VWA3A: variants seen among roughly 807,000 people sequenced by gnomAD.
The protein encoded by VWA3A is von Willebrand factor A domain containing 3A, also known as von Willebrand factor A domain-containing protein 3A.
In VWA3A, 134 loss-of-function variants were observed where a neutral mutation model predicts 160.4. That is an observed-to-expected ratio of 0.84 (90% CI 0.73 to 0.96). The LOEUF is 0.96. Ranked by LOEUF, VWA3A falls within the 40% of genes least tolerant of loss-of-function variation. VWA3A has a pLI of 0.00. For synonymous variants in VWA3A, 476 were observed against 543.4 expected, an observed-to-expected ratio of 0.88 and a Z score of 1.72; for missense variants, 1,310 against 1,447.9, an observed-to-expected ratio of 0.90 and a Z score of 1.55.
rs2046250902 is a variant in VWA3A, at chr16:22,146,356, C to T, written c.2839+12C>T. On this transcript the variant is annotated intron_variant, in intron 27 of 33. Transcript: ENST00000389398. The stretch of plus-strand genomic sequence containing the variant: ...GTGGCTGCTGTCCGGTGAGCCTGCC[C>T]ACTGCCCTGAAGGGTGGAGGAGCAT... 1 of 1,609,636 alleles carries T rather than the reference C, an allele frequency of 6.2e-7. No homozygotes were observed. The highest frequency in any genetic ancestry group is 8.5e-7 in the Non-Finnish European group (1 of 1,177,118).
intron 17 of VWA3A, among the ~76,000 whole-genome samples, chr16:22,127,811 G>T (rs2045877465): frequency 6.6e-6 from 1 of 152,178 alleles, no homozygotes; most frequent in African/African-American, 2.4e-5. Context: ...TGGGAGACAG[G>T]GATGTTAAGG....
At chr16:22,123,736 T>C (rs749320741) in intron 16 of VWA3A, 29 bp downstream of exon 16, 1 of 1,594,302 alleles carries the variant, frequency 6.3e-7, no homozygotes, top group East Asian at 2.2e-5. Context: ...GTTCTTATCC[T>C]TCATGGGTCT....
chr16:22,115,917 GGAAGGAAAGGAAA>G (rs2045630188), intron 9 of VWA3A, among the ~76,000 whole-genome samples: 1 of 33,112 alleles, frequency 3.0e-5, no homozygotes, highest in Non-Finnish European at 4.3e-5. Flanking sequence ...AAGGAAGGAA[GGAAGGAAAGGAAA>G]GGAAAGGAAG....
At chr16:22,122,709 C>T (rs1428583126) in intron 14 of VWA3A, among the ~76,000 whole-genome samples, 1 of 152,168 alleles carries the variant, frequency 6.6e-6, no homozygotes, top group Non-Finnish European at 1.5e-5. Context: ...ACCTAAGAAG[C>T]TATGGCCAGT....
intron 6 of VWA3A, among the ~76,000 whole-genome samples, chr16:22,105,862 TA>T (rs989400670): frequency 3.3e-5 from 5 of 152,246 alleles, no homozygotes; most frequent in African/African-American, 1.2e-4. Context: ...GGCAATACCC[TA>T]GAATATTTGG....
In VWA3A at chr16:22,121,038, TCA is replaced by T. The variant is rs1351549103; in HGVS notation, c.1189_1190del (p.Thr397HisfsTer2). On this transcript the variant is annotated frameshift_variant, in exon 13 of 34. Transcript: ENST00000389398. LOFTEE classifies it high-confidence loss of function. ...AAACCCCCAAAGCATGACGCTCCTC[TCA>T]CCATTGAGTTTCCAAACTTGGACAA... 4 of 1,613,998 alleles carry T rather than the reference TCA, an allele frequency of 2.5e-6. No homozygotes were observed. The East Asian group carries it at 8.9e-5, about 36-fold the overall frequency.
At chr16:22,143,474 T>TGG (rs1198593762) in intron 25 of VWA3A, among the ~76,000 whole-genome samples, 1 of 152,218 alleles carries the variant, frequency 6.6e-6, no homozygotes, top group African/African-American at 2.4e-5. Flanking sequence ...ATGCCATCCC[T>TGG]GGCTGCTTTG....
chr16:22,116,418 AAAAGG>A, intron 9 of VWA3A: 2 of 447,794 alleles, frequency 4.5e-6, no homozygotes, highest in Non-Finnish European at 8.5e-6. Flanking sequence ...AAACAAAGGA[AAAAGG>A]AAAGAGAGAG....
chr16:22,147,685 G>A lies in VWA3A; in HGVS notation c.2840-477G>A, dbSNP rs576256415. The A allele has an allele frequency of 1.6e-3, 1,135 of 702,102 alleles. 4 individuals carry two copies. Among genetic ancestry groups the A allele is most frequent in the Non-Finnish European group, 2.5e-3 (968 of 384,962 alleles). The allele number at this position is 702,102 out of a possible 1,614,324, so 43.5% of individuals were successfully genotyped here. On this transcript the variant is annotated intron_variant, in intron 27 of 33. Transcript: ENST00000389398. ...GAGGCTGAGCTGGGACAGAGAAGGCGTGAGCCTCTCTCCACCCTCGGTTCA... is the reference window on the plus strand; with the variant it reads ...GAGGCTGAGCTGGGACAGAGAAGGCATGAGCCTCTCTCCACCCTCGGTTCA...
chr16:22,128,543 A>G (rs1449165766), intron 17 of VWA3A, among the ~76,000 whole-genome samples: 1 of 152,198 alleles, frequency 6.6e-6, no homozygotes, highest in Non-Finnish European at 1.5e-5. Context: ...AGACCTAAAA[A>G]CAGAACTACC....
chr16:22,144,007 A>G (rs942493391), intron 25 of VWA3A, among the ~76,000 whole-genome samples: 1 of 151,728 alleles, frequency 6.6e-6, no homozygotes. Context: ...CAGCCTCCCA[A>G]AGTGCTAGGA....
At chr16:22,106,163 T>A (rs2045480315) in intron 6 of VWA3A, among the ~76,000 whole-genome samples, 1 of 152,114 alleles carries the variant, frequency 6.6e-6, no homozygotes, top group African/African-American at 2.4e-5. Flanking sequence ...GGCAGATGGA[T>A]CACTTGAGGT....
In VWA3A at chr16:22,156,922, A is replaced by T. The variant is rs2046450264; in HGVS notation, c.*905A>T. On this transcript the variant is annotated 3_prime_UTR_variant, in exon 34 of 34. Coordinates refer to ENST00000389398, the MANE Select transcript of VWA3A (RefSeq NM_173615.5). The stretch of plus-strand genomic sequence containing the variant: ...TAAATTTTTAGTGACATAAAACTTT[A>T]TTAAAAGACTCATACCATAATAAAG... 6.6e-6 allele frequency: 1 copy of T among 152,238 alleles called. No individual in the cohort carries two copies. 9.4% of individuals were successfully genotyped at this position (152,238 alleles called of 1,614,324 possible).
chr16:22,113,764 T>A (rs1271700755), intron 8 of VWA3A, among the ~76,000 whole-genome samples: 5 of 151,994 alleles, frequency 3.3e-5, no homozygotes, highest in South Asian at 4.2e-4. Context: ...CTGATTTTTT[T>A]AATTTTTCCT....
chr16:22,147,263 A>C (rs577292442), intron 27 of VWA3A, among the ~76,000 whole-genome samples: 1 of 152,162 alleles, frequency 6.6e-6, no homozygotes, highest in South Asian at 2.1e-4. Context: ...GGCTCAAGCT[A>C]TCCTCCTGCC....
In VWA3A at chr16:22,146,264, C is replaced by G; in HGVS notation, c.2759C>G (p.Pro920Arg). Reference sequence around the variant, plus strand: ...GTGGTGAGACACATCCAGTGGACGCCCAGGGAGATGGAGGTGTACATCAGG... The same window carrying G: ...GTGGTGAGACACATCCAGTGGACGCGCAGGGAGATGGAGGTGTACATCAGG... Reference protein sequence around the residue: ...HGVVRHIQWTPREMEVYIRHL... With the variant: ...HGVVRHIQWTRREMEVYIRHL... Residue 920 changes from proline (P) to arginine (R), a missense_variant, in exon 27 of 34, where the codon CCC (proline) becomes CGC (arginine). Coordinates refer to ENST00000389398, the MANE Select transcript of VWA3A (RefSeq NM_173615.5). The G allele has an allele frequency of 1.2e-6, 2 of 1,613,538 alleles. No individual in the cohort carries two copies. Among genetic ancestry groups the G allele is most frequent in the Non-Finnish European group, 1.7e-6 (2 of 1,179,720 alleles).
At chr16:22,129,402 A>AAAAAGAAAGAAAG (rs1555458653) in intron 17 of VWA3A, among the ~76,000 whole-genome samples, 1 of 118,980 alleles carries the variant, frequency 8.4e-6, no homozygotes, top group African/African-American at 4.1e-5. Flanking sequence ...AAAAAAAAAA[A>AAAAAGAAAGAAAG]AAAGAAAGAA....
At chr16:22,098,911 CA>C (rs900328333) in intron 3 of VWA3A, among the ~76,000 whole-genome samples, 3,779 of 41,040 alleles carry the variant, frequency 0.092, 44 homozygotes, top group South Asian at 0.22. Flanking sequence ...CCTGTTTCCA[CA>C]AAAAAAAAAA....
At chr16:22,123,745 C>T (rs779320656) in intron 16 of VWA3A, 38 bp downstream of exon 16, 7 of 1,571,012 alleles carry the variant, frequency 4.5e-6, no homozygotes, top group Middle Eastern at 1.7e-4. Flanking sequence ...CTTCATGGGT[C>T]TGGTGTGTGA....
Sources: gnomAD v4.1 joint callset for allele counts (sites outside exome capture counted in the v4.1 genomes callset) on GRCh38, gnomAD v4.1.1 for gene constraint, MANE v1.5 for transcripts, NCBI Gene and HGNC (gene_info 2026-07-23, HGNC 2026-07-21) for gene names.